BTRC: variants seen among roughly 807,000 people sequenced by gnomAD.
The protein encoded by BTRC is beta-transducin repeat containing E3 ubiquitin protein ligase, also known as F-box/WD repeat-containing protein 1A.
BTRC carries 42 observed loss-of-function variants against 85.5 expected under a neutral mutation model. The observed-to-expected ratio is 0.49, with a 90% confidence interval of 0.38 to 0.64. The LOEUF (loss-of-function observed/expected upper bound fraction) is 0.64, where lower values mean the gene tolerates loss of function less well. BTRC is among the 30% of genes least tolerant of loss of function. The pLI is 0.00. For missense variants in BTRC, 594 were observed against 743.5 expected (o/e 0.80, Z 2.34); for synonymous variants, 255 against 263.3 (o/e 0.97, Z 0.30).
intron 2 of BTRC, among the ~76,000 whole-genome samples, chr10:101,445,401 C>G (rs1944795718): frequency 1.3e-5 from 2 of 152,142 alleles, no homozygotes; most frequent in Non-Finnish European, 2.9e-5. Context: ...AAATATATTT[C>G]AACTGCTGAG....
At chr10:101,361,296 TG>T (rs1564726354) in intron 1 of BTRC, among the ~76,000 whole-genome samples, 1 of 151,868 alleles carries the variant, frequency 6.6e-6, no homozygotes, top group Non-Finnish European at 1.5e-5. Flanking sequence ...TTAGTAGAGA[TG>T]GGGTTTCACC....
rs1246992486 is a variant in BTRC, at chr10:101,461,877, T to C, written c.157-104T>C. ...CTTCAAGTGAATAATTGTATAAATA[T>C]ATGTATGTTCTAACTTACAGAATTA... On this transcript the variant is annotated intron_variant, in intron 2 of 14. Coordinates refer to ENST00000370187, the MANE Select transcript of BTRC (RefSeq NM_033637.4). 7.6e-6 allele frequency: 6 copies of C among 790,024 alleles called. No individual in the cohort carries two copies. The Admixed American group carries it at 9.5e-5, about 13-fold the overall frequency. 48.9% of individuals were successfully genotyped at this position (790,024 alleles called of 1,614,324 possible).
At chr10:101,504,057 G>A (rs1946456475) in intron 4 of BTRC, among the ~76,000 whole-genome samples, 1 of 152,192 alleles carries the variant, frequency 6.6e-6, no homozygotes, top group Non-Finnish European at 1.5e-5. Context: ...TAACTGAAGG[G>A]AGAAGGGTGT....
At chr10:101,459,327 G>A (rs1945161549) in intron 2 of BTRC, among the ~76,000 whole-genome samples, 1 of 152,096 alleles carries the variant, frequency 6.6e-6, no homozygotes, top group Non-Finnish European at 1.5e-5. Context: ...AGGTATACAT[G>A]GCTATTTCAT....
At chr10:101,425,402 A>G (rs1944223212) in intron 1 of BTRC, among the ~76,000 whole-genome samples, 3 of 152,264 alleles carry the variant, frequency 2.0e-5, no homozygotes, top group African/African-American at 7.2e-5. Context: ...TTGATTTTGC[A>G]AAGGAGAGTC....
intron 1 of BTRC, among the ~76,000 whole-genome samples, chr10:101,386,655 C>G (rs956612847): frequency 2.0e-5 from 3 of 152,140 alleles, no homozygotes; most frequent in Non-Finnish European, 4.4e-5. Flanking sequence ...GAACCAAGGA[C>G]TTGTTTGACT....
At chr10:101,442,282 C>G (rs4919547) in intron 2 of BTRC, among the ~76,000 whole-genome samples, 1 of 106,188 alleles carries the variant, frequency 9.4e-6, no homozygotes, top group African/African-American at 4.8e-5. Context: ...CTCTCTCTCT[C>G]TGTCTCTGTG....
intron 4 of BTRC, among the ~76,000 whole-genome samples, chr10:101,504,909 A>G (rs894053961): frequency 6.6e-6 from 1 of 151,616 alleles, no homozygotes; most frequent in Non-Finnish European, 1.5e-5. Flanking sequence ...CCTCCCCCAT[A>G]TTCTTCAAAT....
chr10:101,407,067 G>A (rs1943646651), intron 1 of BTRC, among the ~76,000 whole-genome samples: 1 of 152,168 alleles, frequency 6.6e-6, no homozygotes, highest in African/African-American at 2.4e-5. Flanking sequence ...CATTGAAAAT[G>A]TGAAATGAAG....
chr10:101,508,806 G>T (rs897590121), intron 4 of BTRC, among the ~76,000 whole-genome samples: 2 of 151,138 alleles, frequency 1.3e-5, no homozygotes, highest in Non-Finnish European at 2.9e-5. Flanking sequence ...CCCAGCTACT[G>T]GGGAGGCTGA....
chr10:101,430,575 A>G (rs958339960), intron 2 of BTRC, 123 bp downstream of exon 2: 7 of 703,908 alleles, frequency 9.9e-6, no homozygotes, highest in Non-Finnish European at 1.7e-5. Flanking sequence ...TATTGCCTGT[A>G]TCTCACATCA....
chr10:101,427,783 C>T (rs1320979782), intron 1 of BTRC, among the ~76,000 whole-genome samples: 4 of 152,098 alleles, frequency 2.6e-5, no homozygotes, highest in African/African-American at 4.8e-5. Flanking sequence ...CTGCCTCGCC[C>T]TCCCAAAGTG....
chr10:101,529,418 G>A (rs2062247749), intron 6 of BTRC, among the ~76,000 whole-genome samples: 2 of 152,178 alleles, frequency 1.3e-5, no homozygotes, highest in Admixed American at 6.5e-5. Flanking sequence ...AAAGAAGACA[G>A]GAATCTCAGG....
intron 4 of BTRC, among the ~76,000 whole-genome samples, chr10:101,488,668 G>C (rs1195956820): frequency 2.0e-5 from 3 of 152,080 alleles, no homozygotes; most frequent in Non-Finnish European, 4.4e-5. Flanking sequence ...AGACTTAGTG[G>C]CTTACTGTAA....
At chr10:101,399,540 G>A (rs558468902) in intron 1 of BTRC, among the ~76,000 whole-genome samples, 1 of 152,152 alleles carries the variant, frequency 6.6e-6, no homozygotes, top group African/African-American at 2.4e-5. Flanking sequence ...CCTATATTCC[G>A]TGTGCCTAGC....
chr10:101,494,775 A>G (rs1302417997), intron 4 of BTRC, among the ~76,000 whole-genome samples: 8 of 152,210 alleles, frequency 5.3e-5, no homozygotes, highest in Admixed American at 5.2e-4. Context: ...TGTGTGTAGT[A>G]TAATTATTGA....
intron 2 of BTRC, among the ~76,000 whole-genome samples, chr10:101,459,187 G>C (rs966743028): frequency 1.3e-5 from 2 of 152,174 alleles, no homozygotes; most frequent in African/African-American, 4.8e-5. Flanking sequence ...AATTTAGCCT[G>C]ATGATCTAGG....
At chr10:101,429,321 T>C (rs187047395) in intron 1 of BTRC, among the ~76,000 whole-genome samples, 38 of 152,298 alleles carry the variant, frequency 2.5e-4, no homozygotes, top group Non-Finnish European at 4.4e-4. Flanking sequence ...AAGCTGTAGC[T>C]GCAATAATAC....
intron 2 of BTRC, among the ~76,000 whole-genome samples, chr10:101,443,490 T>C (rs756296172): frequency 6.6e-6 from 1 of 152,226 alleles, no homozygotes; most frequent in Non-Finnish European, 1.5e-5. Flanking sequence ...AATGTGTATG[T>C]GTGCATACAA....
Sources: allele counts gnomAD v4.1 joint callset (sites outside exome capture counted in the v4.1 genomes callset), GRCh38; gene constraint gnomAD v4.1.1; transcripts MANE v1.5; gene names NCBI Gene and HGNC (gene_info 2026-07-23, HGNC 2026-07-21).